Variants in GALNT13 observed in about 807,000 individuals in gnomAD.
GALNT13 encodes UDP-GalNAc:polypeptide N-acetylgalactosaminyltransferase 13.
GALNT13 carries 28 observed loss-of-function variants against 64.2 expected under a neutral mutation model. The observed-to-expected ratio is 0.44, with a 90% confidence interval of 0.32 to 0.60. GALNT13 has a LOEUF of 0.60. Among genes scored for constraint, GALNT13 ranks in the 20% least tolerant of loss-of-function variants. The pLI is 0.05. For missense variants in GALNT13, 577 were observed against 669.8 expected, an observed-to-expected ratio of 0.86 and a Z score of 1.53; for synonymous variants, 214 against 224.6, an observed-to-expected ratio of 0.95 and a Z score of 0.42.
intron 3 of GALNT13, among the ~76,000 whole-genome samples, chr2:153,971,976 C>T (rs1693772472): frequency 6.6e-6 from 1 of 151,950 alleles, no homozygotes; most frequent in African/African-American, 2.4e-5. Flanking sequence ...GGAGAGAATG[C>T]AAAGAAGTAC....
At chr2:153,502,125 G>C in the GALNT13 span, among the ~76,000 whole-genome samples, 1 of 151,854 alleles carries the variant, frequency 6.6e-6, no homozygotes, top group Non-Finnish European at 1.5e-5. Flanking sequence ...GGGGGAACAG[G>C]TGGTGTTTGG....
At chr2:153,174,410 C>T in the GALNT13 span, among the ~76,000 whole-genome samples, 2 of 151,904 alleles carry the variant, frequency 1.3e-5, no homozygotes, top group African/African-American at 4.8e-5. Flanking sequence ...TGCCTAATCT[C>T]CTGAGCAAAC....
chr2:153,385,738 A>G, the GALNT13 span, among the ~76,000 whole-genome samples: 1 of 152,070 alleles, frequency 6.6e-6, no homozygotes, highest in Non-Finnish European at 1.5e-5. Context: ...TACAAAGGAT[A>G]AATGCTTGAG....
intron 3 of GALNT13, among the ~76,000 whole-genome samples, chr2:154,035,473 A>G (rs1698606278): frequency 6.6e-6 from 1 of 152,054 alleles, no homozygotes; most frequent in Admixed American, 6.6e-5. Flanking sequence ...CAGAATATAA[A>G]TGGGAGTATA....
chr2:153,391,416 T>G, the GALNT13 span, among the ~76,000 whole-genome samples: 1 of 152,056 alleles, frequency 6.6e-6, no homozygotes, highest in Non-Finnish European at 1.5e-5. Flanking sequence ...AATGATTGTG[T>G]CTTCTATTTA....
the GALNT13 span, among the ~76,000 whole-genome samples, chr2:153,214,676 A>T: frequency 1.3e-4 from 20 of 152,296 alleles, no homozygotes; most frequent in East Asian, 3.9e-3. Flanking sequence ...TTTACTGAAG[A>T]CTTTAAATAG....
chr2:153,658,530 A>G, the GALNT13 span, among the ~76,000 whole-genome samples: 6 of 152,150 alleles, frequency 3.9e-5, 1 homozygote, highest in South Asian at 1.0e-3. Context: ...TGATTAGCAT[A>G]TACCATTTTA....
At chr2:153,150,316 GTTGT>G in the GALNT13 span, among the ~76,000 whole-genome samples, 1 of 94,542 alleles carries the variant, frequency 1.1e-5, no homozygotes, top group Non-Finnish European at 2.0e-5. Context: ...TTTTGATGGG[GTTGT>G]TTGTTTTTTT....
intron 4 of GALNT13, among the ~76,000 whole-genome samples, chr2:154,185,092 C>G (rs533997252): frequency 1.3e-5 from 2 of 151,978 alleles, no homozygotes; most frequent in Non-Finnish European, 2.9e-5. Flanking sequence ...AAATAATTAT[C>G]TTTTTATTTG....
At chr2:154,270,772 T>C (rs1691310846) in intron 8 of GALNT13, among the ~76,000 whole-genome samples, 1 of 151,834 alleles carries the variant, frequency 6.6e-6, no homozygotes, top group Admixed American at 6.6e-5. Flanking sequence ...ACAAAGCAGT[T>C]GATATGTTAG....
At chr2:154,424,774 C>T (rs1316655797) in intron 11 of GALNT13, among the ~76,000 whole-genome samples, 1 of 152,200 alleles carries the variant, frequency 6.6e-6, no homozygotes, top group African/African-American at 2.4e-5. Context: ...GCCTTTTTCT[C>T]TTCCCTACCA....
intron 3 of GALNT13, among the ~76,000 whole-genome samples, chr2:154,002,839 G>A (rs988107825): frequency 5.9e-5 from 9 of 152,020 alleles, no homozygotes; most frequent in East Asian, 1.9e-4. Context: ...TTGTTGCTTC[G>A]AATTCTAGGG....
chr2:153,759,625 T>C, the GALNT13 span, among the ~76,000 whole-genome samples: 1 of 152,180 alleles, frequency 6.6e-6, no homozygotes, highest in Non-Finnish European at 1.5e-5. Context: ...TTGGATTATG[T>C]TGAATCATCC....
At chr2:154,416,198 A>G (rs1699999683) in intron 11 of GALNT13, among the ~76,000 whole-genome samples, 1 of 152,140 alleles carries the variant, frequency 6.6e-6, no homozygotes, top group Admixed American at 6.6e-5. Context: ...TAATAAACAT[A>G]CAATAAACTG....
the GALNT13 span, among the ~76,000 whole-genome samples, chr2:153,586,558 G>T: frequency 6.6e-6 from 1 of 152,130 alleles, no homozygotes; most frequent in Non-Finnish European, 1.5e-5. Flanking sequence ...GACCTAAAGA[G>T]AGAGAGAGAC....
the GALNT13 span, among the ~76,000 whole-genome samples, chr2:153,114,802 A>G: frequency 3.3e-5 from 5 of 152,162 alleles, no homozygotes; most frequent in South Asian, 2.1e-4. Context: ...TTTCAACAGT[A>G]ATCACTACTA....
chr2:153,155,958 A>G, the GALNT13 span, among the ~76,000 whole-genome samples: 1 of 152,204 alleles, frequency 6.6e-6, no homozygotes, highest in East Asian at 1.9e-4. Context: ...CTTTTCAAAA[A>G]CTTCTTGATT....
chr2:153,952,731 A>C (rs957098977), intron 3 of GALNT13, among the ~76,000 whole-genome samples: 12 of 151,758 alleles, frequency 7.9e-5, no homozygotes, highest in African/African-American at 2.7e-4. Flanking sequence ...ACAATAGGCT[A>C]TCTGCAAGCT....
chr2:153,138,112 T>C, the GALNT13 span, among the ~76,000 whole-genome samples: 1 of 152,078 alleles, frequency 6.6e-6, no homozygotes, highest in Non-Finnish European at 1.5e-5. Flanking sequence ...ATCATCCCTA[T>C]TTACAGATGA....
Sources: allele counts gnomAD v4.1 joint callset (sites outside exome capture counted in the v4.1 genomes callset), GRCh38; gene constraint gnomAD v4.1.1; transcripts MANE v1.5; gene names NCBI Gene and HGNC (gene_info 2026-07-23, HGNC 2026-07-21).